TESK2: variants seen among roughly 807,000 people sequenced by gnomAD.
The protein encoded by TESK2 is dual specificity testis-specific protein kinase 2.
A neutral mutation model predicts 57.1 loss-of-function variants in TESK2; 39 were observed. The ratio of observed to expected loss-of-function variants is 0.68; its 90% CI spans 0.53 to 0.89. TESK2 has a LOEUF of 0.89. Ranked by LOEUF, TESK2 falls within the 40% of genes least tolerant of loss-of-function variation. The pLI, the probability that TESK2 is intolerant of heterozygous loss-of-function variation, is 0.00. For missense variants in TESK2, 646 were observed against 732.1 expected (o/e 0.88, Z 1.36); for synonymous variants, 249 against 267.9 (o/e 0.93, Z 0.69).
At chr1:45,413,438 CA>C (rs1339466219) in intron 3 of TESK2, among the ~76,000 whole-genome samples, 2 of 152,284 alleles carry the variant, frequency 1.3e-5, no homozygotes, top group East Asian at 3.9e-4. Context: ...GCTGGGCACA[CA>C]ATAGCTCTGG....
chr1:45,381,860 CTTTTTTTTT>C (rs748886310), intron 4 of TESK2, among the ~76,000 whole-genome samples: 1 of 91,926 alleles, frequency 1.1e-5, no homozygotes, highest in Admixed American at 1.1e-4. Context: ...CATTCCTATT[CTTTTTTTTT>C]TTTTTTTTTT....
At chr1:45,445,624 CAAAAAAAAAAAA>C (rs747691865) in intron 2 of TESK2, among the ~76,000 whole-genome samples, 1 of 108,098 alleles carries the variant, frequency 9.3e-6, no homozygotes, top group African/African-American at 3.5e-5. Context: ...CTGTCTCTAC[CAAAAAAAAAAAA>C]AAAAAAAAAA....
chr1:45,382,136 G>C (rs897130137), intron 4 of TESK2, among the ~76,000 whole-genome samples: 1 of 152,044 alleles, frequency 6.6e-6, no homozygotes, highest in Non-Finnish European at 1.5e-5. Context: ...CCTCCTAAAA[G>C]TGTTGGGATT....
At position 45,400,330 on chromosome 1, in the gene TESK2, A is replaced by G. The variant is rs60065404; in HGVS notation, c.345-14370T>C. 8.3e-3 allele frequency among the ~76,000 whole-genome samples: 1,272 copies of G among 152,354 alleles called. 18 individuals are homozygous for G. Among genetic ancestry groups the G allele is most frequent in the African/African-American group, 0.029 (1,193 of 41,578 alleles). On this transcript the variant is annotated intron_variant, in intron 3 of 10. Transcript: ENST00000372086. ...AAATGGATTCTCCTCTAGAGCCTCCAGAGAGGAATGCAGCCCTGCTGATAC... is the reference window on the plus strand; with the variant it reads ...AAATGGATTCTCCTCTAGAGCCTCCGGAGAGGAATGCAGCCCTGCTGATAC...
chr1:45,429,911 A>G (rs552165741), intron 2 of TESK2, among the ~76,000 whole-genome samples: 1 of 152,238 alleles, frequency 6.6e-6, no homozygotes, highest in African/African-American at 2.4e-5. Context: ...CTAATAATAC[A>G]CTCTCAGGTC....
chr1:45,382,538 C>T (rs1031929605), intron 4 of TESK2, among the ~76,000 whole-genome samples: 1 of 152,152 alleles, frequency 6.6e-6, no homozygotes, highest in Non-Finnish European at 1.5e-5. Flanking sequence ...CATGCCCAGA[C>T]TATGCTTTCA....
intron 4 of TESK2, among the ~76,000 whole-genome samples, chr1:45,369,116 A>G (rs191197233): frequency 1.3e-5 from 2 of 152,268 alleles, no homozygotes. Context: ...TTGGATTTGT[A>G]TCCAAGCCTT....
chr1:45,345,753 C>A, intron 10 of TESK2, 124 bp downstream of exon 10: 1 of 919,800 alleles, frequency 1.1e-6, no homozygotes, highest in Non-Finnish European at 1.7e-6. Flanking sequence ...TCTGCATCAT[C>A]TCCTTCCCCT....
intron 3 of TESK2, among the ~76,000 whole-genome samples, chr1:45,409,510 T>C (rs1649961868): frequency 1.3e-5 from 2 of 152,170 alleles, no homozygotes; most frequent in South Asian, 4.1e-4. Context: ...AGTATGAACT[T>C]TGAAGAATGA....
intron 1 of TESK2, among the ~76,000 whole-genome samples, chr1:45,462,342 C>T (rs1033983069): frequency 2.6e-5 from 4 of 151,798 alleles, no homozygotes; most frequent in Admixed American, 6.6e-5. Flanking sequence ...GCGTGATCTC[C>T]GCTCACTGCA....
chr1:45,376,499 G>A lies in TESK2; in HGVS notation c.393+9413C>T, dbSNP rs1335034838. 6.6e-5 allele frequency among the ~76,000 whole-genome samples: 10 copies of A among 152,018 alleles called. No homozygotes were observed. In the South Asian group the frequency reaches 1.2e-3, roughly 19 times the overall value. On this transcript the variant is annotated intron_variant, in intron 4 of 10. Transcript: ENST00000372086. Reference sequence around the variant, plus strand: ...CTCCCAAAGTGCTAGGATTACAGGCGTGAGCCACTGTGCCTGGCCTTCACA... The same window carrying A: ...CTCCCAAAGTGCTAGGATTACAGGCATGAGCCACTGTGCCTGGCCTTCACA...
intron 5 of TESK2, among the ~76,000 whole-genome samples, chr1:45,354,815 AATATATATATATATAT>A (rs199613712): frequency 6.4e-4 from 26 of 40,690 alleles, no homozygotes; most frequent in African/African-American, 1.5e-3. Flanking sequence ...AAAAAAAAAA[AATATATATATATATAT>A]ATATATATAT....
At chr1:45,415,730 T>C (rs1650213939) in intron 3 of TESK2, among the ~76,000 whole-genome samples, 1 of 152,192 alleles carries the variant, frequency 6.6e-6, no homozygotes, top group African/African-American at 2.4e-5. Flanking sequence ...AAATATTTAC[T>C]GTCATTACCC....
chr1:45,466,097 CTT>C (rs1652541566), intron 1 of TESK2, among the ~76,000 whole-genome samples: 1 of 152,106 alleles, frequency 6.6e-6, no homozygotes, highest in Admixed American at 6.6e-5. Context: ...AATCCCAACA[CTT>C]TGAGAGGCCG....
chr1:45,448,991 G>A (rs1190232273), intron 2 of TESK2, among the ~76,000 whole-genome samples: 1 of 152,086 alleles, frequency 6.6e-6, no homozygotes, highest in African/African-American at 2.4e-5. Flanking sequence ...GTGGAAGGCT[G>A]AGGCAGGTGG....
chr1:45,484,885 G>C (rs1557592036), intron 1 of TESK2, among the ~76,000 whole-genome samples: 1 of 151,432 alleles, frequency 6.6e-6, no homozygotes. Context: ...CAAAAAATTA[G>C]CCGGGCCTGG....
chr1:45,354,818 ATATATATAT>A (rs1647352444), intron 5 of TESK2, among the ~76,000 whole-genome samples: 1 of 18,842 alleles, frequency 5.3e-5, no homozygotes, highest in Non-Finnish European at 7.9e-5. Flanking sequence ...AAAAAAAAAT[ATATATATAT>A]ATATATATAT....
chr1:45,441,849 T>C (rs1037929346), intron 2 of TESK2, among the ~76,000 whole-genome samples: 1 of 152,166 alleles, frequency 6.6e-6, no homozygotes, highest in Non-Finnish European at 1.5e-5. Context: ...ACTCGTGACC[T>C]CAAGTGATCC....
chr1:45,387,241 C>T (rs1648938723), intron 3 of TESK2, among the ~76,000 whole-genome samples: 1 of 152,074 alleles, frequency 6.6e-6, no homozygotes, highest in African/African-American at 2.4e-5. Flanking sequence ...TCAGCTCTGC[C>T]ATTACCTAAC....
Sources: allele counts gnomAD v4.1 joint callset (sites outside exome capture counted in the v4.1 genomes callset), GRCh38; gene constraint gnomAD v4.1.1; transcripts MANE v1.5; gene names NCBI Gene and HGNC (gene_info 2026-07-23, HGNC 2026-07-21).